Variants in RALGPS2 observed in about 807,000 individuals in gnomAD.
RALGPS2 encodes the protein ras-specific guanine nucleotide-releasing factor RalGPS2.
In RALGPS2, 43 loss-of-function variants were observed where a neutral mutation model predicts 86.8. The ratio of observed to expected loss-of-function variants is 0.50; its 90% CI spans 0.39 to 0.64. RALGPS2 has a LOEUF of 0.64. RALGPS2 is among the 30% of genes least tolerant of loss of function. RALGPS2 has a pLI of 0.00. For missense variants in RALGPS2, 536 were observed against 694.6 expected (o/e 0.77, Z 2.57); for synonymous variants, 243 against 231.3 (o/e 1.05, Z -0.46).
At chr1:178,900,716 AC>A (rs1660136219) in intron 17 of RALGPS2, among the ~76,000 whole-genome samples, 1 of 152,030 alleles carries the variant, frequency 6.6e-6, no homozygotes, top group Non-Finnish European at 1.5e-5. Context: ...CCCCATTAAT[AC>A]GTAAAAACCA....
chr1:178,837,708 C>CTGAG (rs150577943), intron 8 of RALGPS2, among the ~76,000 whole-genome samples: 1 of 7,114 alleles, frequency 1.4e-4, no homozygotes, highest in African/African-American at 2.1e-3. Flanking sequence ...GTGCAGCCCA[C>CTGAG]CGAGCCGAAG....
Position 178,921,400 on chromosome 1 carries a change from T to C in RALGPS2, c.*5041T>C, listed in dbSNP as rs1321395974. On this transcript the variant is annotated 3_prime_UTR_variant, in exon 20 of 20. Coordinates refer to ENST00000367635, the MANE Select transcript of RALGPS2 (RefSeq NM_152663.5). The stretch of plus-strand genomic sequence containing the variant: ...CTCACATATATAGTCCAATAATTAC[T>C]GACTTAATAGGTATGGTAAAATAGC... 1 of 151,894 alleles carries C rather than the reference T, an allele frequency of 6.6e-6. No homozygotes were observed. Among genetic ancestry groups the C allele is most frequent in the Non-Finnish European group, 1.5e-5 (1 of 67,898 alleles). The allele number at this position is 151,894 out of a possible 1,614,324, so 9.4% of individuals were successfully genotyped here. A position where few individuals can be genotyped will look rare whatever the true frequency, so the allele number is the denominator to read the frequency against.
At chr1:178,794,140 A>G (rs1031336495) in intron 4 of RALGPS2, among the ~76,000 whole-genome samples, 6 of 151,700 alleles carry the variant, frequency 4.0e-5, no homozygotes, top group South Asian at 2.1e-4. Context: ...TTTTTGAGAC[A>G]TGATCTCACA....
chr1:178,812,272 A>G (rs754070375), intron 6 of RALGPS2, among the ~76,000 whole-genome samples: 69 of 152,190 alleles, frequency 4.5e-4, no homozygotes, highest in Non-Finnish European at 9.6e-4. Context: ...CCTGAGACCA[A>G]GTTTCTCTGA....
At chr1:178,892,367 A>C in intron 15 of RALGPS2, 60 bp downstream of exon 15, 1 of 1,413,462 alleles carries the variant, frequency 7.1e-7, no homozygotes, top group Non-Finnish European at 1.0e-6. Context: ...TGATTGGCTT[A>C]CATGGGTGTG....
intron 8 of RALGPS2, chr1:178,865,360 A>C: frequency 6.2e-7 from 1 of 1,614,092 alleles, no homozygotes; most frequent in Non-Finnish European, 8.5e-7. Flanking sequence ...GGATAATCTC[A>C]TGTAATAATT....
intron 8 of RALGPS2, among the ~76,000 whole-genome samples, chr1:178,846,593 C>T (rs1168275197): frequency 6.6e-6 from 1 of 152,060 alleles, no homozygotes; most frequent in Non-Finnish European, 1.5e-5. Context: ...TTACTTTAGA[C>T]CAAAGACTTC....
chr1:178,809,871 A>T (rs1654894610), intron 5 of RALGPS2, among the ~76,000 whole-genome samples: 1 of 152,174 alleles, frequency 6.6e-6, no homozygotes, highest in East Asian at 1.9e-4. Context: ...AGCAGTCACA[A>T]GCCTGCCCAG....
chr1:178,840,704 C>G (rs1175513458), intron 8 of RALGPS2, among the ~76,000 whole-genome samples: 1 of 151,956 alleles, frequency 6.6e-6, no homozygotes, highest in Admixed American at 6.6e-5. Flanking sequence ...ATCCATGAAT[C>G]CAGGAGCTGG....
Position 178,920,901 on chromosome 1 carries a change from C to T in RALGPS2, c.*4542C>T, listed in dbSNP as rs1251797131. On this transcript the variant is annotated 3_prime_UTR_variant, in exon 20 of 20. Transcript: ENST00000367635. The stretch of plus-strand genomic sequence containing the variant: ...TCAAAACAAACAAGTAGTCACTTAA[C>T]CTGCCAGTTATTATTTTCTTGAAAA... 6.6e-6 allele frequency: 1 copy of T among 151,894 alleles called. No individual in the cohort carries two copies. The highest frequency in any genetic ancestry group is 1.5e-5 in the Non-Finnish European group (1 of 67,896). 9.4% of individuals were successfully genotyped at this position (151,894 alleles called of 1,614,324 possible).
chr1:178,919,073 A>G lies in RALGPS2; in HGVS notation c.*2714A>G, dbSNP rs1435417659. ...GTTATATAGCCTGTTGAAAATAACTACAGAATGACCTTCCAGAGCACTGTT... is the reference window on the plus strand; with the variant it reads ...GTTATATAGCCTGTTGAAAATAACTGCAGAATGACCTTCCAGAGCACTGTT... On this transcript the variant is annotated 3_prime_UTR_variant, in exon 20 of 20. Coordinates refer to ENST00000367635, the MANE Select transcript of RALGPS2 (RefSeq NM_152663.5). 1 of 152,098 alleles carries G rather than the reference A, an allele frequency of 6.6e-6. No homozygotes were observed. Among genetic ancestry groups the G allele is most frequent in the Admixed American group, 6.5e-5 (1 of 15,268 alleles). The allele number at this position is 152,098 out of a possible 1,614,324, so 9.4% of individuals were successfully genotyped here. A position where few individuals can be genotyped will look rare whatever the true frequency, so the allele number is the denominator to read the frequency against.
At chr1:178,808,577 A>G (rs1654842034) in intron 5 of RALGPS2, among the ~76,000 whole-genome samples, 1 of 152,050 alleles carries the variant, frequency 6.6e-6, no homozygotes, top group Admixed American at 6.5e-5. Context: ...GCTCATTCTT[A>G]AAGTGGTTTT....
intron 8 of RALGPS2, among the ~76,000 whole-genome samples, chr1:178,836,459 T>C (rs1369133935): frequency 2.6e-5 from 4 of 152,224 alleles, no homozygotes; most frequent in African/African-American, 9.6e-5. Context: ...TAGTTCTGCT[T>C]CACTTTATAC....
Position 178,865,904 on chromosome 1 carries a change from T to C in RALGPS2, c.608-11594T>C. ...AAAACTATCTGAGGGAAAAACTGAA[T>C]ATTTATTGGTGTTAATAGATTAGGC... On this transcript the variant is annotated intron_variant, in intron 8 of 19. Coordinates refer to ENST00000367635, the MANE Select transcript of RALGPS2 (RefSeq NM_152663.5). The C allele has an allele frequency of 6.0e-6, 4 of 666,144 alleles. No individual in the cohort carries two copies. The South Asian group carries it at 8.4e-5, about 14-fold the overall frequency. 41.3% of individuals were successfully genotyped at this position (666,144 alleles called of 1,614,324 possible).
chr1:178,799,988 A>C (rs1654394651), intron 4 of RALGPS2, among the ~76,000 whole-genome samples: 1 of 152,228 alleles, frequency 6.6e-6, no homozygotes, highest in African/African-American at 2.4e-5. Context: ...AAGATTGTGG[A>C]TATGGCAAAA....
intron 1 of RALGPS2, chr1:178,747,383 G>A (rs992656747): frequency 1.3e-6 from 2 of 1,529,906 alleles, no homozygotes; most frequent in African/African-American, 1.4e-5. Flanking sequence ...TAGATGTACT[G>A]TATAATACGA....
intron 4 of RALGPS2, among the ~76,000 whole-genome samples, chr1:178,791,956 A>G (rs1034923817): frequency 1.3e-5 from 2 of 152,322 alleles, no homozygotes; most frequent in East Asian, 3.9e-4. Context: ...AGTGTTAAAA[A>G]TTATTTTTCT....
rs778325732 is a variant in RALGPS2, at chr1:178,853,718, G to C, written c.607+20168G>C. 48 of 1,611,080 alleles carry C rather than the reference G, an allele frequency of 3.0e-5. No homozygotes were observed. In the Admixed American group the frequency reaches 6.2e-4, roughly 21 times the overall value. ...CTGCATTGGTCCATTGCTGTTTTCA[G>C]GTTTAATCATATAAATCCCACTGAC... On this transcript the variant is annotated intron_variant, in intron 8 of 19. Coordinates refer to ENST00000367635, the MANE Select transcript of RALGPS2 (RefSeq NM_152663.5).
intron 1 of RALGPS2, among the ~76,000 whole-genome samples, chr1:178,754,477 G>A (rs1651852372): frequency 6.6e-6 from 1 of 152,158 alleles, no homozygotes; most frequent in African/African-American, 2.4e-5. Flanking sequence ...GAAGAGTTTT[G>A]TTGTTTCAGT....
Sources: gnomAD v4.1 joint callset for allele counts (sites outside exome capture counted in the v4.1 genomes callset) on GRCh38, gnomAD v4.1.1 for gene constraint, MANE v1.5 for transcripts, NCBI Gene and HGNC (gene_info 2026-07-23, HGNC 2026-07-21) for gene names.